OPCML: variants seen among roughly 807,000 people sequenced by gnomAD.
OPCML encodes opioid-binding protein/cell adhesion molecule.
In OPCML, 13 loss-of-function variants were observed where a neutral mutation model predicts 37.8. The ratio of observed to expected loss-of-function variants is 0.34; its 90% CI spans 0.22 to 0.55. The LOEUF (loss-of-function observed/expected upper bound fraction) is 0.55, where lower values mean the gene tolerates loss of function less well. OPCML is among the 20% of genes least tolerant of loss of function. The pLI, the probability that OPCML is intolerant of heterozygous loss-of-function variation, is 0.91. For synonymous variants in OPCML, 176 were observed against 168.8 expected, an observed-to-expected ratio of 1.04 and a Z score of -0.33; for missense variants, 341 against 435.6, an observed-to-expected ratio of 0.78 and a Z score of 1.93.
At chr11:132,937,380 G>A (rs150802091) in intron 2 of OPCML, among the ~76,000 whole-genome samples, 1 of 152,280 alleles carries the variant, frequency 6.6e-6, no homozygotes, top group African/African-American at 2.4e-5. Context: ...GCTTAGATAA[G>A]AGCTGCTGAG....
chr11:132,714,253 A>G (rs1944383233), intron 2 of OPCML, among the ~76,000 whole-genome samples: 1 of 152,216 alleles, frequency 6.6e-6, no homozygotes, highest in Non-Finnish European at 1.5e-5. Flanking sequence ...GTCAAATAAA[A>G]ACATTTGGAA....
At chr11:132,441,158 CTT>C (rs749099654) in intron 4 of OPCML, among the ~76,000 whole-genome samples, 4 of 108,058 alleles carry the variant, frequency 3.7e-5, no homozygotes, top group African/African-American at 1.8e-4. Context: ...TCACCAAGGA[CTT>C]TTTTGTTTTT....
chr11:132,792,063 A>G (rs763431645), intron 2 of OPCML, among the ~76,000 whole-genome samples: 3 of 152,252 alleles, frequency 2.0e-5, no homozygotes, highest in Non-Finnish European at 4.4e-5. Context: ...GTCTCTCTGA[A>G]TCATTTTACT....
chr11:133,349,349 A>C lies in OPCML; in HGVS notation c.61+182915T>G, dbSNP rs570180905. Among the ~76,000 whole-genome samples the C allele has an allele frequency of 5.9e-5, 9 of 152,338 alleles. No homozygotes were observed. In the East Asian group the frequency reaches 1.7e-3, roughly 29 times the overall value. On this transcript the variant is annotated intron_variant, in intron 1 of 7. Transcript: ENST00000524381. ...GGAGATGTTTAACTTTTTAAGTGCT[A>C]GTTGCTTAGATAGCATTGTGCTCAT...
At chr11:133,010,628 T>G (rs1947195962) in intron 1 of OPCML, among the ~76,000 whole-genome samples, 1 of 152,202 alleles carries the variant, frequency 6.6e-6, no homozygotes, top group Non-Finnish European at 1.5e-5. Context: ...TTTAGCCTTA[T>G]CCTTTTTAAT....
chr11:133,167,038 T>C (rs374629061), intron 1 of OPCML, among the ~76,000 whole-genome samples: 1 of 152,080 alleles, frequency 6.6e-6, no homozygotes, highest in Non-Finnish European at 1.5e-5. Flanking sequence ...TGCCTAGAAG[T>C]AGGAAGTAAA....
chr11:133,136,827 ACGTG>A (rs1377669766), intron 1 of OPCML, among the ~76,000 whole-genome samples: 12 of 68,778 alleles, frequency 1.7e-4, no homozygotes, highest in African/African-American at 6.6e-4. Context: ...TTCTATGTGC[ACGTG>A]TGTGTGTGTG....
intron 4 of OPCML, among the ~76,000 whole-genome samples, chr11:132,444,955 G>A (rs922892722): frequency 2.0e-5 from 3 of 152,202 alleles, no homozygotes; most frequent in African/African-American, 7.2e-5. Context: ...CAATTGAATT[G>A]TGCTAAAGTC....
chr11:132,984,124 C>G (rs901771822), intron 1 of OPCML, among the ~76,000 whole-genome samples: 7 of 152,130 alleles, frequency 4.6e-5, no homozygotes, highest in African/African-American at 1.7e-4. Context: ...GTGATCTTTC[C>G]CAAGGCCAGA....
chr11:132,719,155 G>A (rs926908069), intron 2 of OPCML, among the ~76,000 whole-genome samples: 1 of 152,200 alleles, frequency 6.6e-6, no homozygotes, highest in Admixed American at 6.5e-5. Context: ...CGGGCGCGCC[G>A]TCCAGGAGGC....
At position 133,246,104 on chromosome 11, in the gene OPCML, C is replaced by T. The variant is rs115549397; in HGVS notation, c.61+286160G>A. Among the ~76,000 whole-genome samples, 605 of 152,144 alleles carry T rather than the reference C, an allele frequency of 4.0e-3. 2 individuals are homozygous for T. Among genetic ancestry groups the T allele is most frequent in the African/African-American group, 0.014 (588 of 41,480 alleles). ...AAAAAACCACTTTCTGCACATGTATCCCAGAACTTAAAGTAAAATTTAAAA... is the reference window on the plus strand; with the variant it reads ...AAAAAACCACTTTCTGCACATGTATTCCAGAACTTAAAGTAAAATTTAAAA... On this transcript the variant is annotated intron_variant, in intron 1 of 7. Transcript: ENST00000524381.
chr11:132,981,265 A>T (rs1946577047), intron 1 of OPCML, among the ~76,000 whole-genome samples: 1 of 152,212 alleles, frequency 6.6e-6, no homozygotes, highest in South Asian at 2.1e-4. Context: ...CAGCAACAAG[A>T]CAGATAAGAT....
chr11:132,652,375 CACACACACACAG>C (rs1483421112), intron 3 of OPCML, among the ~76,000 whole-genome samples: 126 of 151,116 alleles, frequency 8.3e-4, no homozygotes, highest in Non-Finnish European at 1.5e-3. Context: ...CACACACACA[CACACACACACAG>C]AGAGAGAAAT....
At chr11:132,982,613 T>C (rs1946611374) in intron 1 of OPCML, among the ~76,000 whole-genome samples, 1 of 152,172 alleles carries the variant, frequency 6.6e-6, no homozygotes, top group African/African-American at 2.4e-5. Context: ...CTGGGTTCTT[T>C]GGATAAGTCA....
chr11:132,730,008 CTTTTT>C (rs11389495), intron 2 of OPCML, among the ~76,000 whole-genome samples: 1 of 88,472 alleles, frequency 1.1e-5, no homozygotes, highest in Non-Finnish European at 2.1e-5. Flanking sequence ...TTCTATGTGA[CTTTTT>C]TTTTTTTTTT....
At chr11:133,121,126 C>T (rs1306691734) in intron 1 of OPCML, among the ~76,000 whole-genome samples, 3 of 152,068 alleles carry the variant, frequency 2.0e-5, no homozygotes, top group East Asian at 3.9e-4. Context: ...TTCATGTTGG[C>T]CAGGATGGTC....
chr11:132,471,271 G>T (rs1339955515), intron 4 of OPCML, among the ~76,000 whole-genome samples: 1 of 152,180 alleles, frequency 6.6e-6, no homozygotes, highest in Non-Finnish European at 1.5e-5. Flanking sequence ...GGATGGCTGT[G>T]GATGGTGGGG....
intron 3 of OPCML, among the ~76,000 whole-genome samples, chr11:132,604,426 C>A (rs544569056): frequency 1.8e-4 from 28 of 152,210 alleles, no homozygotes; most frequent in Non-Finnish European, 3.5e-4. Flanking sequence ...CATTCCAGTC[C>A]CTTCTCCTGG....
At chr11:133,295,016 G>A (rs1328215664) in intron 1 of OPCML, among the ~76,000 whole-genome samples, 1 of 151,424 alleles carries the variant, frequency 6.6e-6, no homozygotes, top group Non-Finnish European at 1.5e-5. Context: ...TAGAGATAGG[G>A]TTTCACCATG....
Sources: allele counts gnomAD v4.1 joint callset (sites outside exome capture counted in the v4.1 genomes callset), GRCh38; gene constraint gnomAD v4.1.1; transcripts MANE v1.5; gene names NCBI Gene and HGNC (gene_info 2026-07-23, HGNC 2026-07-21).